ACBD3: variants seen among roughly 807,000 people sequenced by gnomAD.
The protein encoded by ACBD3 is acyl-CoA binding domain containing 3, also known as Golgi resident protein GCP60.
A neutral mutation model predicts 66.9 loss-of-function variants in ACBD3; 30 were observed. That is an observed-to-expected ratio of 0.45 (90% CI 0.34 to 0.61). The LOEUF is 0.61. Among genes scored for constraint, ACBD3 ranks in the 20% least tolerant of loss-of-function variants. The pLI, the probability that ACBD3 is intolerant of heterozygous loss-of-function variation, is 0.02. For synonymous variants in ACBD3, 278 were observed against 259.8 expected (o/e 1.07, Z -0.68); for missense variants, 544 against 664.5 (o/e 0.82, Z 1.99).
At chr1:226,150,248 G>GAGA (rs1659544443) in intron 7 of ACBD3, among the ~76,000 whole-genome samples, 1 of 151,462 alleles carries the variant, frequency 6.6e-6, no homozygotes, top group South Asian at 2.1e-4. Context: ...TTTTTTTGTC[G>GAGA]AGATGTGGTG....
chr1:226,186,741 TGACCTCC>T, upstream of ACBD3: 1 of 1,396,396 alleles, frequency 7.2e-7, no homozygotes, highest in Non-Finnish European at 9.3e-7. Flanking sequence ...TGCTGACCTC[TGACCTCC>T]GCTTACCGAC....
intron 6 of ACBD3, 101 bp from the exon 7 acceptor site, chr1:226,152,720 A>C: frequency 8.6e-7 from 1 of 1,156,612 alleles, no homozygotes; most frequent in Non-Finnish European, 1.2e-6. Flanking sequence ...TCAGGCACCA[A>C]GTACAATATG....
At chr1:226,157,484 C>T (rs1659697595) in intron 5 of ACBD3, among the ~76,000 whole-genome samples, 1 of 152,136 alleles carries the variant, frequency 6.6e-6, no homozygotes, top group Non-Finnish European at 1.5e-5. Context: ...AGTGATCCAC[C>T]CACCTCAGCC....
At chr1:226,147,920 G>C (rs760809382) in intron 7 of ACBD3, 1 of 152,138 alleles carries the variant, frequency 6.6e-6, no homozygotes, top group Non-Finnish European at 1.5e-5. Context: ...CAAGACTTTC[G>C]GGTTTATGGT....
At chr1:226,171,984 G>A (rs989554760) in intron 1 of ACBD3, among the ~76,000 whole-genome samples, 1 of 151,274 alleles carries the variant, frequency 6.6e-6, no homozygotes, top group Non-Finnish European at 1.5e-5. Context: ...GAGAAACCCC[G>A]TCTCTAATGA....
chr1:226,167,539 A>G (rs374370693), intron 1 of ACBD3, among the ~76,000 whole-genome samples: 109 of 152,340 alleles, frequency 7.2e-4, no homozygotes, highest in African/African-American at 2.5e-3. Context: ...CCAACATTTA[A>G]AAGCCGTATG....
At chr1:226,156,298 C>T (rs1346223573) in intron 5 of ACBD3, among the ~76,000 whole-genome samples, 1 of 152,122 alleles carries the variant, frequency 6.6e-6, no homozygotes, top group Non-Finnish European at 1.5e-5. Context: ...TGTCTGGCTA[C>T]CTTCACTCAA....
intron 5 of ACBD3, chr1:226,155,215 C>CA (rs892682202): frequency 2.6e-5 from 4 of 153,988 alleles, no homozygotes; most frequent in African/African-American, 9.7e-5. Context: ...GTCAGGAGCT[C>CA]AAGACCAGCC....
In ACBD3 at chr1:226,145,091, G is replaced by A. The variant is rs1659422386; in HGVS notation, c.*1519C>T. 6.6e-6 allele frequency: 1 copy of A among 152,238 alleles called. No homozygotes were observed. The allele number at this position is 152,238 out of a possible 1,614,324, so 9.4% of individuals were successfully genotyped here. A position where few individuals can be genotyped will look rare whatever the true frequency, so the allele number is the denominator to read the frequency against. On this transcript the variant is annotated 3_prime_UTR_variant, in exon 8 of 8. Transcript: ENST00000366812. The stretch of plus-strand genomic sequence containing the variant: ...ACAAATGTTCTGGATGTAACAGTAT[G>A]AACACCTATGAGCTGGGACTACTTC...
intron 1 of ACBD3, among the ~76,000 whole-genome samples, chr1:226,177,388 G>A (rs1656064682): frequency 1.3e-5 from 2 of 150,774 alleles, no homozygotes; most frequent in Non-Finnish European, 3.0e-5. Context: ...AGTAGAGACG[G>A]GTTTCACCGC....
At position 226,165,797 on chromosome 1, in the gene ACBD3, C is replaced by T; in HGVS notation, c.428+62G>A. On this transcript the variant is annotated intron_variant, in intron 2 of 7. Coordinates refer to ENST00000366812, the MANE Select transcript of ACBD3 (RefSeq NM_022735.4). ...CCAGCTACTTACACCTTAACCAATA[C>T]ACATTGTACCCTTTGCCAACATTAT... The T allele has an allele frequency of 9.1e-6, 14 of 1,546,330 alleles. No individual in the cohort carries two copies. The South Asian group carries it at 1.1e-4, about 13-fold the overall frequency.
Position 226,144,859 on chromosome 1 carries a change from AATG to A in ACBD3, c.*1748_*1750del, listed in dbSNP as rs1163625826. The A allele has an allele frequency of 1.3e-5, 2 of 152,684 alleles. No individual in the cohort carries two copies. The highest frequency in any genetic ancestry group is 6.5e-5 in the Admixed American group (1 of 15,280). 9.5% of individuals were successfully genotyped at this position (152,684 alleles called of 1,614,324 possible). ...AGTAACATACACTGCTCCCAAGAAC[AATG>A]ATATTTTTAGGAGATAATTCATCTT... On this transcript the variant is annotated 3_prime_UTR_variant, in exon 8 of 8. Coordinates refer to ENST00000366812, the MANE Select transcript of ACBD3 (RefSeq NM_022735.4).
intron 1 of ACBD3, among the ~76,000 whole-genome samples, chr1:226,169,410 G>C (rs1355979043): frequency 1.3e-5 from 2 of 151,828 alleles, no homozygotes; most frequent in South Asian, 2.1e-4. Context: ...ACCATGCTCG[G>C]CTAATTTTTT....
chr1:226,164,782 A>C lies in ACBD3; in HGVS notation c.569+7T>G, dbSNP rs777664525. ...GCAATAAAGTATTCCATGCCCTCAA[A>C]CTTCACCTTTTTTTTTCTTGCTCTT... On this transcript the variant is annotated splice_region_variant and intron_variant, in intron 3 of 7. Transcript: ENST00000366812. 6.2e-7 allele frequency: 1 copy of C among 1,607,340 alleles called. No individual in the cohort carries two copies. Among genetic ancestry groups the C allele is most frequent in the South Asian group, 1.1e-5 (1 of 89,028 alleles).
chr1:226,181,650 T>C (rs1182158774), intron 1 of ACBD3, among the ~76,000 whole-genome samples: 1 of 152,194 alleles, frequency 6.6e-6, no homozygotes, highest in Non-Finnish European at 1.5e-5. Context: ...CATACAGTTT[T>C]TGGCATAGTA....
chr1:226,183,829 A>G (rs1656230116), intron 1 of ACBD3, among the ~76,000 whole-genome samples: 1 of 142,800 alleles, frequency 7.0e-6, no homozygotes, highest in Admixed American at 7.4e-5. Context: ...GGTTGCAGTG[A>G]GCTGAGATCG....
rs779063500 is a variant in ACBD3 at position 226,186,610 on chromosome 1, G to C, written c.66C>G (p.Asp22Glu). 4.0e-6 allele frequency: 6 copies of C among 1,487,086 alleles called. No homozygotes were observed. The highest frequency in any genetic ancestry group is 1.4e-5 in the African/African-American group (1 of 69,328). The allele number at this position is 1,487,086 out of a possible 1,614,324, so 92.1% of individuals were successfully genotyped here. ...VSVDGLTLSP[D>E]PEERPGAEGA... ...CCTCCGCCCCAGGCCGCTCCTCCGGGTCCGGGCTGAGCGTGAGGCCGTCGA... is the reference window on the plus strand; with the variant it reads ...CCTCCGCCCCAGGCCGCTCCTCCGGCTCCGGGCTGAGCGTGAGGCCGTCGA... Residue 22 changes from aspartate to glutamate, a missense_variant, in exon 1 of 8, where the codon GAC (aspartate) becomes GAG (glutamate). Coordinates refer to ENST00000366812, the MANE Select transcript of ACBD3 (RefSeq NM_022735.4).
At chr1:226,162,920 C>T (rs1224602338) in intron 3 of ACBD3, among the ~76,000 whole-genome samples, 2 of 152,000 alleles carry the variant, frequency 1.3e-5, no homozygotes, top group African/African-American at 4.8e-5. Flanking sequence ...CCTTAGCCTC[C>T]TGAGTAGCTG....
chr1:226,167,707 T>G (rs1247091415), intron 1 of ACBD3, among the ~76,000 whole-genome samples: 1 of 152,150 alleles, frequency 6.6e-6, no homozygotes, highest in Non-Finnish European at 1.5e-5. Flanking sequence ...CTTATATGTC[T>G]CATTCATGTA....
Sources: gnomAD v4.1 joint callset for allele counts (sites outside exome capture counted in the v4.1 genomes callset) on GRCh38, gnomAD v4.1.1 for gene constraint, MANE v1.5 for transcripts, NCBI Gene and HGNC (gene_info 2026-07-23, HGNC 2026-07-21) for gene names.